Variants in DLG2 observed in about 807,000 individuals in gnomAD.
DLG2 encodes the protein disks large homolog 2.
Under a neutral mutation model 132.5 loss-of-function variants are expected in DLG2, and 45 were observed. The ratio of observed to expected loss-of-function variants is 0.34; its 90% CI spans 0.27 to 0.44. The LOEUF is 0.44. DLG2 is among the 20% of genes least tolerant of loss of function. The pLI is 1.00. For synonymous variants in DLG2, 424 were observed against 419.6 expected, an observed-to-expected ratio of 1.01 and a Z score of -0.13; for missense variants, 1,045 against 1,196.9, an observed-to-expected ratio of 0.87 and a Z score of 1.87.
At chr11:84,004,947 C>CA (rs56323323) in intron 11 of DLG2, among the ~76,000 whole-genome samples, 33,896 of 137,920 alleles carry the variant, frequency 0.25, 4,293 homozygotes, top group East Asian at 0.39. Flanking sequence ...TATATAGAAT[C>CA]AAAAAAAAAA....
chr11:83,531,651 A>G (rs559770827), intron 21 of DLG2, among the ~76,000 whole-genome samples: 1 of 152,174 alleles, frequency 6.6e-6, no homozygotes, highest in African/African-American at 2.4e-5. Flanking sequence ...CTAGGCATAC[A>G]GCCAATGGAA....
intron 19 of DLG2, among the ~76,000 whole-genome samples, chr11:83,589,689 G>C (rs2097154119): frequency 6.6e-6 from 1 of 150,942 alleles, no homozygotes; most frequent in Non-Finnish European, 1.5e-5. Context: ...AAAAGACACA[G>C]ACTGGCAAAT....
intron 3 of DLG2, among the ~76,000 whole-genome samples, chr11:85,575,467 G>T (rs1453954031): frequency 6.6e-6 from 1 of 150,754 alleles, no homozygotes; most frequent in Non-Finnish European, 1.5e-5. Context: ...TTGAGCCCAG[G>T]AGGTAGAGAC....
At chr11:83,590,492 T>C (rs1206566241) in intron 19 of DLG2, among the ~76,000 whole-genome samples, 1 of 151,938 alleles carries the variant, frequency 6.6e-6, no homozygotes, top group Non-Finnish European at 1.5e-5. Flanking sequence ...TTCAAAGCAG[T>C]GTGTAGAGGG....
chr11:85,090,946 C>A (rs2068664644), intron 6 of DLG2, among the ~76,000 whole-genome samples: 1 of 152,176 alleles, frequency 6.6e-6, no homozygotes, highest in Non-Finnish European at 1.5e-5. Flanking sequence ...AGCCAGCATG[C>A]ACAGAGATCA....
chr11:85,486,829 G>A (rs920563565), intron 3 of DLG2, among the ~76,000 whole-genome samples: 2 of 151,548 alleles, frequency 1.3e-5, no homozygotes, highest in Admixed American at 1.3e-4. Context: ...AAGCCACCTG[G>A]GGATCCAAGA....
chr11:84,422,410 G>C (rs2098953911), intron 7 of DLG2, among the ~76,000 whole-genome samples: 1 of 152,164 alleles, frequency 6.6e-6, no homozygotes. Flanking sequence ...TTGATTGTAA[G>C]CTATAGCAAT....
At chr11:84,278,418 G>A (rs940811748) in intron 7 of DLG2, among the ~76,000 whole-genome samples, 11 of 151,600 alleles carry the variant, frequency 7.3e-5, no homozygotes, top group African/African-American at 1.9e-4. Flanking sequence ...AAATAATAAC[G>A]ATTCTACACA....
intron 7 of DLG2, among the ~76,000 whole-genome samples, chr11:84,452,127 GGAA>G (rs2099053293): frequency 6.6e-6 from 1 of 151,164 alleles, no homozygotes; most frequent in Non-Finnish European, 1.5e-5. Context: ...AAAAAAAGAA[GGAA>G]GAAGGAGGAG....
At chr11:84,666,591 C>A (rs577108262) in intron 6 of DLG2, among the ~76,000 whole-genome samples, 4 of 151,966 alleles carry the variant, frequency 2.6e-5, no homozygotes, top group Non-Finnish European at 5.9e-5. Context: ...ATCAGCAAAA[C>A]AATTTGATAT....
At chr11:85,051,020 C>G (rs956665972) in intron 6 of DLG2, among the ~76,000 whole-genome samples, 7 of 152,108 alleles carry the variant, frequency 4.6e-5, no homozygotes, top group African/African-American at 1.4e-4. Flanking sequence ...AGCGCCAGTG[C>G]ACCATGAAGA....
At chr11:84,058,768 A>G (rs2096545721) in intron 11 of DLG2, among the ~76,000 whole-genome samples, 1 of 151,648 alleles carries the variant, frequency 6.6e-6, no homozygotes, top group Admixed American at 6.6e-5. Context: ...CCTCAGAGTA[A>G]CTATAATAAT....
chr11:85,568,722 T>C (rs1360460985), intron 3 of DLG2, among the ~76,000 whole-genome samples: 2 of 152,236 alleles, frequency 1.3e-5, no homozygotes, highest in African/African-American at 4.8e-5. Context: ...TACTATTTTC[T>C]TATAATCCTT....
chr11:84,978,837 G>A (rs112856856), intron 6 of DLG2, among the ~76,000 whole-genome samples: 56 of 152,018 alleles, frequency 3.7e-4, no homozygotes, highest in Middle Eastern at 6.8e-3. Context: ...ACTAAAGAGC[G>A]TCTGCACAGC....
intron 6 of DLG2, among the ~76,000 whole-genome samples, chr11:84,890,504 G>A (rs1026323195): frequency 3.9e-5 from 6 of 152,048 alleles, no homozygotes; most frequent in Non-Finnish European, 7.4e-5. Flanking sequence ...TTCTCTCCCC[G>A]GAGGAGAAGA....
chr11:84,059,669 T>C (rs2096560164), intron 10 of DLG2, among the ~76,000 whole-genome samples, 185 bp from the exon 11 acceptor site: 1 of 152,214 alleles, frequency 6.6e-6, no homozygotes, highest in South Asian at 2.1e-4. Flanking sequence ...TCAAGCCTCT[T>C]AGCCTTCTTC....
chr11:84,540,112 A>G (rs995492772), intron 6 of DLG2, among the ~76,000 whole-genome samples: 4 of 152,158 alleles, frequency 2.6e-5, no homozygotes, highest in East Asian at 1.9e-4. Context: ...AGGCAATACC[A>G]CTCAGGACAT....
chr11:84,143,290 G>A (rs770140185), intron 9 of DLG2, among the ~76,000 whole-genome samples: 2 of 152,276 alleles, frequency 1.3e-5, no homozygotes, highest in East Asian at 3.9e-4. Context: ...CTTTTCAGGG[G>A]AGATAACATA....
intron 6 of DLG2, among the ~76,000 whole-genome samples, chr11:84,561,294 T>C (rs977217286): frequency 3.3e-5 from 5 of 152,108 alleles, no homozygotes; most frequent in African/African-American, 1.2e-4. Flanking sequence ...CCTGATCCTA[T>C]AGATTTCATG....
Sources: allele counts gnomAD v4.1 joint callset (sites outside exome capture counted in the v4.1 genomes callset), GRCh38; gene constraint gnomAD v4.1.1; transcripts MANE v1.5; gene names NCBI Gene and HGNC (gene_info 2026-07-23, HGNC 2026-07-21).